The following PCDH11Y variants were observed in gnomAD, a reference collection of about 807,000 sequenced individuals.
PCDH11Y encodes protocadherin 11 Y-linked, also known as protocadherin-11 Y-linked.
For synonymous variants in PCDH11Y, 9 were observed against 83.6 expected (o/e 0.11, Z 4.87); for missense variants, 12 against 224.8 (o/e 0.05, Z 6.05).
chrY:5,348,985 C>T (rs207480296), intron 2 of PCDH11Y, among the ~76,000 whole-genome samples: 1 of 31,804 alleles, frequency 3.1e-5, no homozygotes, highest in African/African-American at 1.2e-4. Context: ...AAAATTAGCT[C>T]GACGTGGTGG....
intron 4 of PCDH11Y, among the ~76,000 whole-genome samples, chrY:5,656,568 T>A: frequency 6.4e-5 from 2 of 31,341 alleles, no homozygotes; most frequent in Non-Finnish European, 1.5e-4. Context: ...CTATAAAATC[T>A]AATAAAGGAC....
intron 2 of PCDH11Y, among the ~76,000 whole-genome samples, chrY:5,138,716 T>G: frequency 6.4e-5 from 2 of 31,471 alleles, no homozygotes; most frequent in Admixed American, 5.9e-4. Context: ...ATAGAAACTC[T>G]GGACAGACCA....
chrY:5,346,637 C>T (rs2053152916), intron 2 of PCDH11Y, among the ~76,000 whole-genome samples: 2 of 32,688 alleles, frequency 6.1e-5, no homozygotes, highest in Non-Finnish European at 1.5e-4. Context: ...GCTGGGATTA[C>T]AGGTGTCTGC....
intron 2 of PCDH11Y, among the ~76,000 whole-genome samples, chrY:5,217,656 G>A: frequency 3.0e-5 from 1 of 33,823 alleles, no homozygotes; most frequent in Admixed American, 2.7e-4. Context: ...TTATCAAGAA[G>A]CAATAAAAAT....
intron 2 of PCDH11Y, among the ~76,000 whole-genome samples, chrY:5,218,507 G>A (rs2052948923): frequency 6.0e-5 from 1 of 16,792 alleles, no homozygotes; most frequent in South Asian, 1.8e-3. Flanking sequence ...ACAGCATTTT[G>A]CCAATCATTA....
intron 3 of PCDH11Y, among the ~76,000 whole-genome samples, chrY:5,546,829 C>T (rs207482211): frequency 3.0e-5 from 1 of 32,816 alleles, no homozygotes; most frequent in Non-Finnish European, 7.6e-5. Flanking sequence ...TCTTATAAAA[C>T]GGATATAACA....
chrY:5,217,869 T>G, intron 2 of PCDH11Y, among the ~76,000 whole-genome samples: 2 of 34,218 alleles, frequency 5.8e-5, no homozygotes, highest in African/African-American at 2.3e-4. Context: ...CCCAATGTGA[T>G]GTGTTAACAG....
chrY:5,708,263 G>T (rs2053584274), intron 4 of PCDH11Y, among the ~76,000 whole-genome samples: 1 of 33,148 alleles, frequency 3.0e-5, no homozygotes, highest in Non-Finnish European at 7.5e-5. Flanking sequence ...GGGTGTACTT[G>T]AATCAGAAAG....
intron 1 of PCDH11Y, chrY:5,030,777 G>A: frequency 6.2e-5 from 2 of 32,074 alleles, no homozygotes; most frequent in Non-Finnish European, 1.5e-4. Context: ...CACATTCTTC[G>A]GTACTATCAT....
intron 3 of PCDH11Y, among the ~76,000 whole-genome samples, chrY:5,047,788 A>G (rs2124626401): frequency 3.0e-5 from 1 of 33,809 alleles, no homozygotes; most frequent in Admixed American, 2.8e-4. Flanking sequence ...GGCTGAACCC[A>G]GTACATGCTT....
intron 3 of PCDH11Y, among the ~76,000 whole-genome samples, chrY:5,522,595 G>T (rs1338485198): frequency 0.019 from 648 of 33,768 alleles, no homozygotes; most frequent in Non-Finnish European, 0.036. Context: ...ATCTTGTATC[G>T]TATCTCTGTC....
intron 3 of PCDH11Y, among the ~76,000 whole-genome samples, chrY:5,556,819 T>C: frequency 6.2e-5 from 2 of 32,516 alleles, no homozygotes; most frequent in Non-Finnish European, 1.5e-4. Context: ...CTTCAACTTA[T>C]CTTGAGTTAA....
intron 2 of PCDH11Y, chrY:5,207,383 G>A (rs2124650548): frequency 3.9e-6 from 1 of 256,073 alleles, no homozygotes; most frequent in South Asian, 3.3e-5. Context: ...AGGCTTCAGG[G>A]TCAATCAAAT....
chrY:5,520,173 C>T (rs2053378918), intron 3 of PCDH11Y, among the ~76,000 whole-genome samples: 3 of 27,152 alleles, frequency 1.1e-4, no homozygotes, highest in Non-Finnish European at 2.5e-4. Flanking sequence ...AAGACGAGAT[C>T]GCGCCACTGC....
At chrY:5,033,897 C>A in intron 3 of PCDH11Y, among the ~76,000 whole-genome samples, 1 of 32,623 alleles carries the variant, frequency 3.1e-5, no homozygotes. Flanking sequence ...CCTCCCTGTA[C>A]CTTTCATTCC....
chrY:5,278,572 A>G, intron 2 of PCDH11Y, among the ~76,000 whole-genome samples: 1 of 33,710 alleles, frequency 3.0e-5, no homozygotes, highest in Non-Finnish European at 7.3e-5. Context: ...AATGAAGGCT[A>G]AGAAATAATA....
intron 2 of PCDH11Y, among the ~76,000 whole-genome samples, chrY:5,180,076 G>A: frequency 3.1e-5 from 1 of 32,114 alleles, no homozygotes; most frequent in Admixed American, 2.9e-4. Context: ...GCTTTTTGAT[G>A]TGAGCATTTA....
At chrY:5,327,003 GT>G (rs2053122345) in intron 2 of PCDH11Y, among the ~76,000 whole-genome samples, 1 of 33,079 alleles carries the variant, frequency 3.0e-5, no homozygotes, top group Non-Finnish European at 7.4e-5. Context: ...AAGGAAAGGA[GT>G]TGTTGTTTTG....
At chrY:5,108,609 T>A (rs372507486), downstream of PCDH11Y, among the ~76,000 whole-genome samples, 162 of 29,978 alleles carry the variant, frequency 5.4e-3, no homozygotes, top group South Asian at 0.11. Flanking sequence ...TAGCCGGGCG[T>A]GGTGGCGGGC....
Sources: allele counts gnomAD v4.1 joint callset (sites outside exome capture counted in the v4.1 genomes callset), GRCh38; gene constraint gnomAD v4.1.1; transcripts MANE v1.5; gene names NCBI Gene and HGNC (gene_info 2026-07-23, HGNC 2026-07-21).